Variants in EML6 observed in about 807,000 individuals in gnomAD.
The protein encoded by EML6 is EMAP like 6, also known as echinoderm microtubule-associated protein-like 6.
EML6 carries 154 observed loss-of-function variants against 240.1 expected under a neutral mutation model. The ratio of observed to expected loss-of-function variants is 0.64; its 90% CI spans 0.56 to 0.73. The LOEUF is 0.73. EML6 is among the 30% of genes least tolerant of loss of function. EML6 has a pLI of 0.00. For synonymous variants in EML6, 1,148 were observed against 899.0 expected, an observed-to-expected ratio of 1.28 and a Z score of -4.95; for missense variants, 2,964 against 2,474.6, an observed-to-expected ratio of 1.20 and a Z score of -4.20.
At chr2:54,861,137 A>C (rs2103839189) in intron 12 of EML6, among the ~76,000 whole-genome samples, 1 of 152,292 alleles carries the variant, frequency 6.6e-6, no homozygotes, top group South Asian at 2.1e-4. Flanking sequence ...CTAACAGGGC[A>C]AACATATAAT....
intron 11 of EML6, among the ~76,000 whole-genome samples, chr2:54,857,803 G>A (rs955210569): frequency 6.6e-6 from 1 of 152,154 alleles, no homozygotes; most frequent in East Asian, 1.9e-4. Flanking sequence ...TGCCTAGCAT[G>A]TTTAGGGAAT....
At position 54,730,655 on chromosome 2, in the gene EML6, G is replaced by T. The variant is rs545053689; in HGVS notation, c.197+5397G>T. Among the ~76,000 whole-genome samples the T allele has an allele frequency of 1.4e-4, 22 of 152,282 alleles. 1 individual carries two copies. In the East Asian group the frequency reaches 3.7e-3, roughly 25 times the overall value. On this transcript the variant is annotated intron_variant, in intron 2 of 41. Transcript: ENST00000356458. Reference sequence around the variant, plus strand: ...TTGGATCCCACTTACTCTGTGCATTGGAAAGAGCGCAAAGTGAAAGCTTTT... The same window carrying T: ...TTGGATCCCACTTACTCTGTGCATTTGAAAGAGCGCAAAGTGAAAGCTTTT...
At chr2:54,777,444 C>T (rs1039170136) in intron 2 of EML6, among the ~76,000 whole-genome samples, 5 of 152,166 alleles carry the variant, frequency 3.3e-5, no homozygotes, top group African/African-American at 9.7e-5. Flanking sequence ...CTGAGTCCTT[C>T]GCTTTCTGTC....
chr2:54,787,321 G>T (rs1292157751), intron 2 of EML6, among the ~76,000 whole-genome samples: 2 of 152,058 alleles, frequency 1.3e-5, no homozygotes, highest in African/African-American at 4.8e-5. Context: ...TGTGAACCCA[G>T]ATGTCAGTTT....
intron 10 of EML6, among the ~76,000 whole-genome samples, chr2:54,852,209 C>A (rs1670128029): frequency 6.6e-6 from 1 of 152,018 alleles, no homozygotes; most frequent in South Asian, 2.1e-4. Flanking sequence ...TTTTGTGACC[C>A]CACCATAACT....
intron 26 of EML6, among the ~76,000 whole-genome samples, chr2:54,924,973 C>T (rs937090620): frequency 6.6e-6 from 1 of 152,164 alleles, no homozygotes; most frequent in African/African-American, 2.4e-5. Flanking sequence ...TAACTGCTAT[C>T]ACTCTGTTGA....
chr2:54,936,877 C>T (rs1675159818), intron 28 of EML6, among the ~76,000 whole-genome samples: 1 of 152,090 alleles, frequency 6.6e-6, no homozygotes, highest in Admixed American at 6.5e-5. Flanking sequence ...ATTCCAAACT[C>T]ACCTAAAGCA....
chr2:54,816,615 G>A (rs1467242920), intron 3 of EML6, among the ~76,000 whole-genome samples, 172 bp from the exon 4 acceptor site: 1 of 152,194 alleles, frequency 6.6e-6, no homozygotes, highest in East Asian at 1.9e-4. Flanking sequence ...TATACTAATG[G>A]AAGTCATCAT....
chr2:54,967,477 G>T (rs937907625), intron 39 of EML6, among the ~76,000 whole-genome samples: 5 of 152,176 alleles, frequency 3.3e-5, no homozygotes, highest in African/African-American at 1.2e-4. Context: ...AGAAACAATG[G>T]CTAATTCATG....
chr2:54,740,747 C>T (rs1320383513), intron 2 of EML6, among the ~76,000 whole-genome samples: 2 of 150,906 alleles, frequency 1.3e-5, no homozygotes, highest in Non-Finnish European at 2.9e-5. Context: ...GATATTGTTA[C>T]AGATGTTGCT....
At chr2:54,827,479 G>C (rs1049806527) in intron 5 of EML6, 87 bp from the exon 6 acceptor site, 1 of 1,111,624 alleles carries the variant, frequency 9.0e-7, no homozygotes, top group Non-Finnish European at 1.3e-6. Context: ...AGCACATTAT[G>C]TGAAATGCAC....
In EML6 at chr2:54,725,012, G is replaced by T; in HGVS notation, c.-50G>T. 7.0e-7 allele frequency: 1 copy of T among 1,421,998 alleles called. No homozygotes were observed. The highest frequency in any genetic ancestry group is 3.1e-5 in the Admixed American group (1 of 32,664). The allele number at this position is 1,421,998 out of a possible 1,614,324, so 88.1% of individuals were successfully genotyped here. A position where few individuals can be genotyped will look rare whatever the true frequency, so the allele number is the denominator to read the frequency against. ...TCCGCCGCAGCCCCAGCCTCGGCGA[G>T]GACGGCCCCGGCGCGCGGGGGGGCG... is the stretch of plus-strand genomic sequence containing the variant. On this transcript the variant is annotated 5_prime_UTR_variant, in exon 2 of 42. In the 5' UTR this introduces an upstream ATG that the reference lacks. Coordinates refer to ENST00000356458, the MANE Select transcript of EML6 (RefSeq NM_001039753.4). This position sits in a 1 kb window ranked among gnomAD's most constrained non-coding sequence, Gnocchi z 4.3.
intron 7 of EML6, among the ~76,000 whole-genome samples, chr2:54,831,086 G>A (rs1304308390): frequency 6.6e-6 from 1 of 152,106 alleles, no homozygotes; most frequent in Non-Finnish European, 1.5e-5. Flanking sequence ...TTTAAGTACA[G>A]TAGCCAAAAA....
chr2:54,863,912 A>G (rs1259533883), intron 13 of EML6, 23 bp downstream of exon 13: 15 of 1,340,608 alleles, frequency 1.1e-5, no homozygotes, highest in Admixed American at 4.2e-5. Flanking sequence ...GGAGCAATGA[A>G]AATTTGTAAC....
rs1676927630 is a variant in EML6 at position 54,970,160 on chromosome 2, T to G, written c.*65T>G. Reference sequence around the variant, plus strand: ...CAGCCAGCAACTGCAGAGGCCATGCTGAGGTGCCTCCTTGCCACCAGCCGT... The same window carrying G: ...CAGCCAGCAACTGCAGAGGCCATGCGGAGGTGCCTCCTTGCCACCAGCCGT... On this transcript the variant is annotated 3_prime_UTR_variant, in exon 42 of 42. Coordinates refer to ENST00000356458, the MANE Select transcript of EML6 (RefSeq NM_001039753.4). 6.7e-7 allele frequency: 1 copy of G among 1,502,180 alleles called. No homozygotes were observed. Among genetic ancestry groups the G allele is most frequent in the African/African-American group, 1.4e-5 (1 of 72,196 alleles). The allele number at this position is 1,502,180 out of a possible 1,614,324, so 93.1% of individuals were successfully genotyped here. A position where few individuals can be genotyped will look rare whatever the true frequency, so the allele number is the denominator to read the frequency against.
intron 2 of EML6, among the ~76,000 whole-genome samples, chr2:54,769,535 C>A (rs983581025): frequency 6.6e-6 from 1 of 151,126 alleles, no homozygotes; most frequent in African/African-American, 2.5e-5. Flanking sequence ...AACTCTCACT[C>A]TCCTACGGCA....
intron 2 of EML6, among the ~76,000 whole-genome samples, chr2:54,762,516 C>G (rs971554435): frequency 2.0e-5 from 3 of 152,126 alleles, no homozygotes; most frequent in African/African-American, 7.2e-5. Flanking sequence ...CCAAGCGTCT[C>G]CCACCTCCAG....
intron 2 of EML6, among the ~76,000 whole-genome samples, chr2:54,796,000 T>G (rs551034570): frequency 6.6e-6 from 1 of 152,260 alleles, no homozygotes; most frequent in Non-Finnish European, 1.5e-5. Context: ...TGAGATGCTT[T>G]CATCATCTAA....
At chr2:54,949,037 C>G in intron 29 of EML6, 77 bp downstream of exon 29, 1 of 1,071,292 alleles carries the variant, frequency 9.3e-7, no homozygotes, top group South Asian at 1.4e-5. Flanking sequence ...CTGCACGTCC[C>G]AAAGACACAG....
Sources: allele counts gnomAD v4.1 joint callset (sites outside exome capture counted in the v4.1 genomes callset), GRCh38; gene constraint gnomAD v4.1.1; non-coding constraint Gnocchi (gnomAD v3.1); transcripts MANE v1.5; gene names NCBI Gene and HGNC (gene_info 2026-07-23, HGNC 2026-07-21).